The following VWA5A variants were observed in gnomAD, a reference collection of about 807,000 sequenced individuals.
VWA5A encodes von Willebrand factor A domain-containing protein 5A.
VWA5A carries 77 observed loss-of-function variants against 84.6 expected under a neutral mutation model. The observed-to-expected ratio is 0.91, with a 90% CI of 0.76 to 1.10. The LOEUF is 1.10. Among genes scored for constraint, VWA5A ranks in the 50% least tolerant of loss-of-function variants. The pLI, the probability that VWA5A is intolerant of heterozygous loss-of-function variation, is 0.00. For synonymous variants in VWA5A, 334 were observed against 350.1 expected, an observed-to-expected ratio of 0.95 and a Z score of 0.51; for missense variants, 973 against 963.0, an observed-to-expected ratio of 1.01 and a Z score of -0.14.
Position 124,118,691 on chromosome 11 carries a change from G to A in VWA5A, c.628G>A (p.Asp210Asn). The change falls in exon 6 of 19, where the codon GAC becomes AAC. Residue 210 changes from aspartate to asparagine, a missense_variant. Coordinates refer to ENST00000456829, the MANE Select transcript of VWA5A (RefSeq NM_001130142.2). ...GAGTCCTACCGAGTACCTAGGAGAG[G>A]ACAAGACTTCTGCTCAGGTAGTTAA... is the stretch of plus-strand genomic sequence containing the variant. Reference protein sequence around the residue: ...PLSPTEYLGEDKTSAQVSLAA... With the variant: ...PLSPTEYLGENKTSAQVSLAA... 1 of 1,613,834 alleles carries A rather than the reference G, an allele frequency of 6.2e-7. No homozygotes were observed. The highest frequency in any genetic ancestry group is 8.5e-7 in the Non-Finnish European group (1 of 1,179,936).
intron 7 of VWA5A, among the ~76,000 whole-genome samples, chr11:124,120,032 CA>C (rs1864906277): frequency 6.6e-6 from 1 of 152,080 alleles, no homozygotes; most frequent in Non-Finnish European, 1.5e-5. Context: ...ATATATGTAA[CA>C]AAATTGACCA....
intron 11 of VWA5A, 154 bp downstream of exon 11, chr11:124,124,470 G>A (rs906274745): frequency 4.4e-5 from 61 of 1,372,686 alleles, no homozygotes; most frequent in East Asian, 5.9e-5. Flanking sequence ...CCCTGTAAAC[G>A]TTAAAAACAG....
chr11:124,132,209 T>A (rs551200809), intron 11 of VWA5A, among the ~76,000 whole-genome samples: 16 of 152,234 alleles, frequency 1.1e-4, no homozygotes, highest in African/African-American at 2.9e-4. Flanking sequence ...AGTTGTGATG[T>A]ATTAATCTCT....
rs1046155803 is a variant in VWA5A, at chr11:124,146,687, C to G, written c.*742C>G. On this transcript the variant is annotated 3_prime_UTR_variant, in exon 19 of 19. Transcript: ENST00000456829. ...AACCTATGTGTCCTCTAAGTCAGGC[C>G]CTGATCTAGTGCAGTAAAGGGAAGG... 1 of 152,052 alleles carries G rather than the reference C, an allele frequency of 6.6e-6. No homozygotes were observed. Among genetic ancestry groups the G allele is most frequent in the Non-Finnish European group, 1.5e-5 (1 of 68,056 alleles). 9.4% of individuals were successfully genotyped at this position (152,052 alleles called of 1,614,324 possible). A position where few individuals can be genotyped will look rare whatever the true frequency, so the allele number is the denominator to read the frequency against.
intron 11 of VWA5A, among the ~76,000 whole-genome samples, chr11:124,131,150 T>C (rs1475403193): frequency 6.6e-6 from 1 of 152,068 alleles, no homozygotes; most frequent in Admixed American, 6.5e-5. Context: ...TACCAAACCG[T>C]ATATGTACCA....
chr11:124,121,937 G>T (rs540988532), intron 7 of VWA5A, among the ~76,000 whole-genome samples: 1 of 152,152 alleles, frequency 6.6e-6, no homozygotes, highest in Non-Finnish European at 1.5e-5. Context: ...CTCCTCCATC[G>T]TATATCCAGA....
At chr11:124,123,237 G>A (rs1030116173) in intron 8 of VWA5A, 108 bp downstream of exon 8, 2 of 1,525,490 alleles carry the variant, frequency 1.3e-6, no homozygotes, top group African/African-American at 2.8e-5. Context: ...CGACCACCCT[G>A]AGGCTAGCCT....
At chr11:124,141,986 T>C (rs1860739169) in intron 16 of VWA5A, among the ~76,000 whole-genome samples, 1 of 152,208 alleles carries the variant, frequency 6.6e-6, no homozygotes, top group African/African-American at 2.4e-5. Flanking sequence ...GCCTTCAATG[T>C]TCTGCTGCCT....
intron 18 of VWA5A, 67 bp downstream of exon 18, chr11:124,145,430 G>T: frequency 6.6e-7 from 1 of 1,507,138 alleles, no homozygotes; most frequent in Non-Finnish European, 8.9e-7. Context: ...GACCACAAGA[G>T]AGTCCCATTG....
At chr11:124,127,477 T>C (rs1865036070) in intron 11 of VWA5A, among the ~76,000 whole-genome samples, 1 of 152,186 alleles carries the variant, frequency 6.6e-6, no homozygotes, top group African/African-American at 2.4e-5. Context: ...AATAAACATA[T>C]GTGTGCATGT....
chr11:124,143,656 C>G (rs953173843), intron 17 of VWA5A, among the ~76,000 whole-genome samples: 1 of 152,086 alleles, frequency 6.6e-6, no homozygotes, highest in African/African-American at 2.4e-5. Flanking sequence ...AATTATACCT[C>G]TTTTACTTTT....
At chr11:124,141,255 C>T (rs1479510429) in intron 15 of VWA5A, among the ~76,000 whole-genome samples, 1 of 152,150 alleles carries the variant, frequency 6.6e-6, no homozygotes, top group East Asian at 1.9e-4. Context: ...AAGTGTGGTA[C>T]ATTGAGCAAC....
chr11:124,136,474 T>C, intron 13 of VWA5A, 100 bp from the exon 14 acceptor site: 2 of 1,424,286 alleles, frequency 1.4e-6, no homozygotes, highest in African/African-American at 1.4e-5. Flanking sequence ...TCATCAGATA[T>C]TTTCATACAT....
At chr11:124,124,175 A>C in intron 10 of VWA5A, 62 bp from the exon 11 acceptor site, 1 of 1,534,786 alleles carries the variant, frequency 6.5e-7, no homozygotes. Context: ...TTCAAGGGCA[A>C]ATTCTGGTTT....
chr11:124,118,381 G>A lies in VWA5A; in HGVS notation c.439G>A (p.Ala147Thr), dbSNP rs1189859325. ...TGGGGCTCTGCGCTTTGTGCTCCCA[G>A]CTGTCCTGAATCCTAGATACCAGTT... ...ADGALRFVLP[A>T]VLNPRYQFSG... Residue 147 changes from alanine to threonine, a missense_variant, in exon 5 of 19, where the codon GCT becomes ACT. Physicochemically the swap from Ala to Thr is moderately conservative, Grantham distance 58 (BLOSUM62 0). Coordinates refer to ENST00000456829, the MANE Select transcript of VWA5A (RefSeq NM_001130142.2). The A allele has an allele frequency of 2.5e-6, 4 of 1,614,236 alleles. No individual in the cohort carries two copies. Among genetic ancestry groups the A allele is most frequent in the Non-Finnish European group, 3.4e-6 (4 of 1,180,048 alleles).
At chr11:124,126,126 A>C (rs893098270) in intron 11 of VWA5A, among the ~76,000 whole-genome samples, 7 of 152,176 alleles carry the variant, frequency 4.6e-5, no homozygotes, top group African/African-American at 1.4e-4. Flanking sequence ...ACACCATATA[A>C]ATTAGTACAG....
chr11:124,119,052 C>T lies in VWA5A; in HGVS notation c.723C>T (p.Ser241=), dbSNP rs763418057. The part of the protein sequence containing the change: ...LIYYNEVHTP[S]VVLEMGMPNM... ...ACTACAATGAGGTGCATACCCCCAG[C>T]GTGGTTTTGGAGATGGGGATGCCTA... Residue 241 remains serine (S), a synonymous_variant, in exon 7 of 19, where the codon AGC becomes AGT. Transcript: ENST00000456829. The T allele has an allele frequency of 1.6e-5, 26 of 1,614,048 alleles. No individual in the cohort carries two copies. Among genetic ancestry groups the T allele is most frequent in the South Asian group, 1.2e-4 (11 of 91,078 alleles).
chr11:124,146,224 G>T lies in VWA5A; in HGVS notation c.*279G>T, dbSNP rs1203106954. ...TCATAGGCAGTAATGTTCCTCCCAG[G>T]GTTTCCAGGGAAACAACATGAAAAA... On this transcript the variant is annotated 3_prime_UTR_variant, in exon 19 of 19. Transcript: ENST00000456829. 1 of 280,476 alleles carries T rather than the reference G, an allele frequency of 3.6e-6. No individual in the cohort carries two copies. Among genetic ancestry groups the T allele is most frequent in the Admixed American group, 5.2e-5 (1 of 19,234 alleles). The allele number at this position is 280,476 out of a possible 1,614,324, so 17.4% of individuals were successfully genotyped here. A position where few individuals can be genotyped will look rare whatever the true frequency, so the allele number is the denominator to read the frequency against.
At chr11:124,117,371 C>T in intron 2 of VWA5A, 126 bp from the exon 3 acceptor site, 1 of 947,988 alleles carries the variant, frequency 1.1e-6, no homozygotes, top group Non-Finnish European at 1.6e-6. Context: ...TTAAAGGTTC[C>T]AACTTCCTAA....
Sources: gnomAD v4.1 joint callset for allele counts (sites outside exome capture counted in the v4.1 genomes callset) on GRCh38, gnomAD v4.1.1 for gene constraint, MANE v1.5 for transcripts, NCBI Gene and HGNC (gene_info 2026-07-23, HGNC 2026-07-21) for gene names.